The following NRL variants were observed in gnomAD, a reference collection of about 807,000 sequenced individuals.
NRL encodes neural retina-specific leucine zipper protein.
A neutral mutation model predicts 12.5 loss-of-function variants in NRL; 16 were observed. The ratio of observed to expected loss-of-function variants is 1.28; its 90% CI spans 0.87 to 1.95. The LOEUF is 1.95. Among genes scored for constraint, NRL ranks in the 30% most tolerant of loss-of-function variants. NRL has a pLI of 0.00. For missense variants in NRL, 314 were observed against 325.8 expected (o/e 0.96, Z 0.28); for synonymous variants, 142 against 150.9 (o/e 0.94, Z 0.43).
At chr14:24,091,682 C>G (rs950905338) in intron 1 of NRL, among the ~76,000 whole-genome samples, 4 of 151,646 alleles carry the variant, frequency 2.6e-5, no homozygotes, top group Non-Finnish European at 4.4e-5. Flanking sequence ...TCCTGCTAAC[C>G]ATTTGTGTGA....
intron 1 of NRL, among the ~76,000 whole-genome samples, chr14:24,108,747 C>T (rs1368897633): frequency 6.6e-6 from 1 of 152,170 alleles, no homozygotes; most frequent in East Asian, 1.9e-4. Flanking sequence ...TACTTAGTGG[C>T]TTTCTAGTCA....
At chr14:24,109,620 C>T (rs2037388213) in intron 1 of NRL, among the ~76,000 whole-genome samples, 1 of 151,742 alleles carries the variant, frequency 6.6e-6, no homozygotes, top group Non-Finnish European at 1.5e-5. Context: ...ATAGCATGAA[C>T]CCGGGAGGCG....
chr14:24,103,719 C>T lies in NRL; in HGVS notation c.-28+11003G>A, dbSNP rs763901019. The T allele has an allele frequency of 3.5e-5, 57 of 1,614,136 alleles. No homozygotes were observed. In the Middle Eastern group the frequency reaches 4.9e-4, roughly 14 times the overall value. On this transcript the variant is annotated intron_variant, in intron 1 of 2. Coordinates refer to ENST00000561028, the MANE Select transcript of NRL (RefSeq NM_001354768.3). Reference sequence around the variant, plus strand: ...TGCTCGGGTGCTAGACTGGATCTGCCGGCGGTTAGAGGGGGAGGACAGTGC... The same window carrying T: ...TGCTCGGGTGCTAGACTGGATCTGCTGGCGGTTAGAGGGGGAGGACAGTGC...
intron 1 of NRL, chr14:24,103,727 A>C (rs758032995): frequency 6.2e-7 from 1 of 1,614,156 alleles, no homozygotes; most frequent in Non-Finnish European, 8.5e-7. Context: ...GCCGGCGGTT[A>C]GAGGGGGAGG....
chr14:24,092,625 T>C (rs528979886), intron 1 of NRL, among the ~76,000 whole-genome samples: 1 of 152,270 alleles, frequency 6.6e-6, no homozygotes, highest in African/African-American at 2.4e-5. Flanking sequence ...CAAATACATA[T>C]ACCTGAGGTT....
chr14:24,092,695 A>G (rs1304589901), intron 1 of NRL, among the ~76,000 whole-genome samples: 4 of 152,232 alleles, frequency 2.6e-5, no homozygotes, highest in Admixed American at 2.0e-4. Flanking sequence ...CCGTGGCTGG[A>G]GACCAGCTCT....
At chr14:24,101,131 C>A (rs1253108387) in intron 1 of NRL, among the ~76,000 whole-genome samples, 1 of 152,190 alleles carries the variant, frequency 6.6e-6, no homozygotes, top group Non-Finnish European at 1.5e-5. Context: ...CCCCCTCAGC[C>A]TTCCCACCCA....
At position 24,114,825 on chromosome 14, in the gene NRL, A is replaced by G; in HGVS notation, c.-131T>C. The G allele has an allele frequency of 1.0e-6, 1 of 985,948 alleles. No homozygotes were observed. The highest frequency in any genetic ancestry group is 1.2e-6 in the Non-Finnish European group (1 of 829,958). 61.1% of individuals were successfully genotyped at this position (985,948 alleles called of 1,614,324 possible). A position where few individuals can be genotyped will look rare whatever the true frequency, so the allele number is the denominator to read the frequency against. On this transcript the variant is annotated 5_prime_UTR_variant, in exon 1 of 3. Transcript: ENST00000561028. The stretch of plus-strand genomic sequence containing the variant: ...CCAGGAAGCCGCGAGATGCGTGACG[A>G]GCGAAGCGCGTGACGGAGGAGCGGT...
Position 24,094,958 on chromosome 14 carries a change from G to A in NRL, c.-27-12083C>T. 1 of 875,278 alleles carries A rather than the reference G, an allele frequency of 1.1e-6. No homozygotes were observed. The highest frequency in any genetic ancestry group is 1.6e-6 in the Non-Finnish European group (1 of 622,646). The allele number at this position is 875,278 out of a possible 1,614,324, so 54.2% of individuals were successfully genotyped here. On this transcript the variant is annotated intron_variant, in intron 1 of 2. Coordinates refer to ENST00000561028, the MANE Select transcript of NRL (RefSeq NM_001354768.3). The surrounding 1 kb of genome is among the most constrained non-coding windows in gnomAD (Gnocchi z 4.1). ...GGACTGGAACCTGGCGGGAAGTCCAGAGCAGCCCGAGGGACCTGGGCCCAG... is the reference window on the plus strand; with the variant it reads ...GGACTGGAACCTGGCGGGAAGTCCAAAGCAGCCCGAGGGACCTGGGCCCAG...
Position 24,080,390 on chromosome 14 carries a change from G to A in NRL, c.*846C>T, listed in dbSNP as rs2036243682. The A allele has an allele frequency of 6.6e-6, 1 of 152,374 alleles. No individual in the cohort carries two copies. The highest frequency in any genetic ancestry group is 2.1e-4 in the South Asian group (1 of 4,834). The allele number at this position is 152,374 out of a possible 1,614,324, so 9.4% of individuals were successfully genotyped here. On this transcript the variant is annotated 3_prime_UTR_variant, in exon 3 of 3. Coordinates refer to ENST00000561028, the MANE Select transcript of NRL (RefSeq NM_001354768.3). ...TGCATCCCCTGCCTAGGCTGCAGCT[G>A]GGAAACTGCAGCAGGATAGGAGGTG...
intron 1 of NRL, among the ~76,000 whole-genome samples, chr14:24,088,967 AT>A (rs1402393021): frequency 1.7e-4 from 25 of 146,142 alleles, no homozygotes; most frequent in Non-Finnish European, 2.6e-4. Flanking sequence ...TGCCTGGCTA[AT>A]TTTTTTTTTG....
intron 1 of NRL, among the ~76,000 whole-genome samples, chr14:24,111,830 C>T (rs1437744329): frequency 7.6e-6 from 1 of 131,382 alleles, no homozygotes. Flanking sequence ...CCCTTTATTT[C>T]CTTCTCCTGC....
intron 1 of NRL, among the ~76,000 whole-genome samples, chr14:24,104,350 C>T (rs1002610939): frequency 1.3e-5 from 2 of 151,604 alleles, no homozygotes; most frequent in Non-Finnish European, 2.9e-5. Flanking sequence ...AATGGTGAGG[C>T]TGGGTGTGGT....
intron 1 of NRL, among the ~76,000 whole-genome samples, chr14:24,096,678 C>T (rs77528519): frequency 1.6e-3 from 250 of 152,278 alleles, no homozygotes; most frequent in Non-Finnish European, 2.9e-3. Context: ...ATCTGTCCCT[C>T]GCTGAGCAGG....
In NRL at chr14:24,079,078, C is replaced by T. The variant is rs982802570; in HGVS notation, c.*2158G>A. ...TTGGGATTACAGGCAGGAACCACTG[C>T]GCCCCACCTAAAGCACTACTCTTAA... On this transcript the variant is annotated 3_prime_UTR_variant, in exon 3 of 3. Coordinates refer to ENST00000561028, the MANE Select transcript of NRL (RefSeq NM_001354768.3). 6.6e-6 allele frequency among the ~76,000 whole-genome samples: 1 copy of T among 152,206 alleles called. No individual in the cohort carries two copies. The highest frequency in any genetic ancestry group is 2.4e-5 in the African/African-American group (1 of 41,444).
At chr14:24,097,321 C>T (rs185477044) in intron 1 of NRL, among the ~76,000 whole-genome samples, 30 of 149,416 alleles carry the variant, frequency 2.0e-4, no homozygotes, top group Middle Eastern at 3.4e-3. Flanking sequence ...GAGGCCAAGG[C>T]GGGTGGATCA....
At chr14:24,103,584 T>C in intron 1 of NRL, 1 of 1,603,756 alleles carries the variant, frequency 6.2e-7, no homozygotes, top group Middle Eastern at 1.7e-4. Flanking sequence ...CCTGGAACAC[T>C]GGCTGAGCAT....
intron 1 of NRL, chr14:24,098,950 G>C: frequency 1.1e-6 from 1 of 925,478 alleles, no homozygotes; most frequent in East Asian, 2.4e-5. Context: ...TGCTGCTACT[G>C]CTCCCAAGTG....
Position 24,080,445 on chromosome 14 carries a change from T to G in NRL, c.*791A>C, listed in dbSNP as rs1458186823. 2.0e-5 allele frequency: 3 copies of G among 152,498 alleles called. No individual in the cohort carries two copies. The highest frequency in any genetic ancestry group is 7.2e-5 in the African/African-American group (3 of 41,436). The allele number at this position is 152,498 out of a possible 1,614,324, so 9.4% of individuals were successfully genotyped here. ...TGGCGAGATTGTCTTGGGGACTTCTTGGGGAGACCACCGGGACTTCCATAC... is the reference window on the plus strand; with the variant it reads ...TGGCGAGATTGTCTTGGGGACTTCTGGGGGAGACCACCGGGACTTCCATAC... On this transcript the variant is annotated 3_prime_UTR_variant, in exon 3 of 3. Transcript: ENST00000561028.
Sources: allele counts gnomAD v4.1 joint callset (sites outside exome capture counted in the v4.1 genomes callset), GRCh38; gene constraint gnomAD v4.1.1; non-coding constraint Gnocchi (gnomAD v3.1); transcripts MANE v1.5; gene names NCBI Gene and HGNC (gene_info 2026-07-23, HGNC 2026-07-21).